MTMR7: variants seen among roughly 807,000 people sequenced by gnomAD.
MTMR7 encodes the protein myotubularin related protein 7.
Under a neutral mutation model 81.2 loss-of-function variants are expected in MTMR7, and 76 were observed. The observed-to-expected ratio is 0.94, with a 90% CI of 0.78 to 1.13. The LOEUF (loss-of-function observed/expected upper bound fraction) is 1.13. Ranked by LOEUF, MTMR7 falls within the 50% of genes most tolerant of loss-of-function variation. The pLI, the probability that MTMR7 is intolerant of heterozygous loss-of-function variation, is 0.00. For synonymous variants in MTMR7, 372 were observed against 289.8 expected (o/e 1.28, Z -2.88); for missense variants, 1,044 against 820.0 (o/e 1.27, Z -3.34).
intron 7 of MTMR7, among the ~76,000 whole-genome samples, chr8:17,323,646 A>AG (rs1303166546): frequency 6.6e-6 from 1 of 152,110 alleles, no homozygotes; most frequent in Non-Finnish European, 1.5e-5. Context: ...CAGAGGCCGC[A>AG]GGGGTGGGGG....
At chr8:17,325,765 C>T (rs1818650465) in intron 7 of MTMR7, among the ~76,000 whole-genome samples, 1 of 144,410 alleles carries the variant, frequency 6.9e-6, no homozygotes, top group Admixed American at 6.7e-5. Flanking sequence ...GAGACAAACA[C>T]TTCTGAAACT....
chr8:17,360,971 TG>T, intron 4 of MTMR7, 145 bp downstream of exon 4: 1 of 837,184 alleles, frequency 1.2e-6, no homozygotes, highest in Non-Finnish European at 1.8e-6. Flanking sequence ...TAAATACAGC[TG>T]GCACTAACCA....
In MTMR7 at chr8:17,371,124, T is replaced by G; in HGVS notation, c.223A>C (p.Lys75Gln). 1 of 1,614,250 alleles carries G rather than the reference T, an allele frequency of 6.2e-7. No individual in the cohort carries two copies. The highest frequency in any genetic ancestry group is 2.2e-5 in the East Asian group (1 of 44,890). ...ATGCPLLIRC[K>Q]NFQIIQLIIP... is the part of the protein sequence containing the mutation. ...ATGAGCTGTATTATCTGAAAGTTCT[T>G]GCAGCGAATCAGCAGAGGGCATCCG... The change falls in exon 3 of 14, where the codon AAG (lysine) becomes CAG (glutamine). Residue 75 changes from lysine to glutamine, a missense_variant. Transcript: ENST00000180173.
intron 5 of MTMR7, among the ~76,000 whole-genome samples, chr8:17,347,521 G>C (rs1311291962): frequency 1.3e-5 from 2 of 152,130 alleles, no homozygotes; most frequent in Non-Finnish European, 2.9e-5. Flanking sequence ...CAGGCATGTG[G>C]ATACACACTC....
intron 4 of MTMR7, among the ~76,000 whole-genome samples, chr8:17,353,122 A>T (rs1819776105): frequency 6.6e-6 from 1 of 152,240 alleles, no homozygotes; most frequent in Non-Finnish European, 1.5e-5. Flanking sequence ...CTAAAAAGGA[A>T]GGAAATCCTG....
chr8:17,353,807 T>G (rs533054268), intron 4 of MTMR7, among the ~76,000 whole-genome samples: 1 of 152,232 alleles, frequency 6.6e-6, no homozygotes, highest in Non-Finnish European at 1.5e-5. Context: ...ACTAAATTAA[T>G]TGACCTTCCT....
intron 1 of MTMR7, among the ~76,000 whole-genome samples, chr8:17,377,359 TTTAATTC>T (rs1820620720): frequency 6.6e-6 from 1 of 152,110 alleles, no homozygotes; most frequent in South Asian, 2.1e-4. Context: ...TTTACAATCT[TTTAATTC>T]TTATCTGTGG....
intron 4 of MTMR7, among the ~76,000 whole-genome samples, chr8:17,354,217 G>C (rs1299388162): frequency 6.6e-6 from 1 of 152,090 alleles, no homozygotes; most frequent in Non-Finnish European, 1.5e-5. Context: ...TGATGAACAG[G>C]GAGAAGGAGG....
chr8:17,369,455 T>TTCATGATCCA lies in MTMR7; in HGVS notation c.310+1581_310+1582insTGGATCATGA, dbSNP rs751021222. The stretch of plus-strand genomic sequence containing the variant: ...ATAAGAAACTTAGGATCCAACCAAA[T>TTCATGATCCA]GCCTTGAAAAGTTCATAATTGAACT... On this transcript the variant is annotated intron_variant, in intron 3 of 13. Transcript: ENST00000180173. Among the ~76,000 whole-genome samples, 218 of 152,248 alleles carry TTCATGATCCA rather than the reference T, an allele frequency of 1.4e-3. 3 individuals are homozygous for TTCATGATCCA. The highest frequency in any genetic ancestry group is 2.1e-3 in the Non-Finnish European group (143 of 68,012).
intron 1 of MTMR7, among the ~76,000 whole-genome samples, chr8:17,400,943 A>G (rs1563380949): frequency 6.6e-6 from 1 of 152,202 alleles, no homozygotes; most frequent in Non-Finnish European, 1.5e-5. Context: ...AGGTCTAGCA[A>G]AAGTTGAAGT....
At chr8:17,381,569 C>G (rs986791062) in intron 1 of MTMR7, among the ~76,000 whole-genome samples, 1 of 152,092 alleles carries the variant, frequency 6.6e-6, no homozygotes, top group Non-Finnish European at 1.5e-5. Context: ...AGTGCAGGGC[C>G]GGGGTGCCAG....
intron 1 of MTMR7, among the ~76,000 whole-genome samples, chr8:17,409,320 T>C (rs1337366748): frequency 6.6e-6 from 1 of 151,792 alleles, no homozygotes; most frequent in African/African-American, 2.4e-5. Flanking sequence ...ATTACCTAGG[T>C]GTAGCGGCAC....
At chr8:17,385,610 A>T (rs1174762723) in intron 1 of MTMR7, among the ~76,000 whole-genome samples, 1 of 152,110 alleles carries the variant, frequency 6.6e-6, no homozygotes, top group African/African-American at 2.4e-5. Flanking sequence ...AAATTACCCA[A>T]TCGCGGGTAT....
At chr8:17,333,888 G>A (rs143721753) in intron 6 of MTMR7, among the ~76,000 whole-genome samples, 265 of 152,018 alleles carry the variant, frequency 1.7e-3, no homozygotes, top group African/African-American at 5.4e-3. Flanking sequence ...GGACAGGAGG[G>A]TTATCCCAGG....
intron 1 of MTMR7, among the ~76,000 whole-genome samples, chr8:17,381,938 C>T (rs1382759673): frequency 6.6e-6 from 1 of 152,168 alleles, no homozygotes; most frequent in East Asian, 1.9e-4. Flanking sequence ...GACATTATCC[C>T]TGCATTTTGA....
rs201909678 is a variant in MTMR7 at position 17,300,112 on chromosome 8, G to C, written c.1733C>G (p.Thr578Ser). The change falls in exon 14 of 14, where the codon ACT becomes AGT. Residue 578 changes from threonine to serine, a missense_variant. Thr to Ser is a moderately conservative substitution (Grantham distance 58). Transcript: ENST00000180173. The part of the protein sequence containing the change: ...FSTSDNSIAN[T>S]PQDYSGNMKS... ...CATATTCCCACTGTAATCCTGGGGA[G>C]TGTTGGCTATGCTGTTGTCTGAGGT... 10 of 1,614,032 alleles carry C rather than the reference G, an allele frequency of 6.2e-6. No individual in the cohort carries two copies. The highest frequency in any genetic ancestry group is 8.5e-6 in the Non-Finnish European group (10 of 1,180,016).
intron 6 of MTMR7, among the ~76,000 whole-genome samples, chr8:17,337,366 A>ACCC (rs1563344305): frequency 2.0e-5 from 3 of 151,090 alleles, no homozygotes; most frequent in East Asian, 2.0e-4. Flanking sequence ...CCGTCCCAAA[A>ACCC]AAAAAAAAAA....
chr8:17,300,770 C>T (rs1337952354), intron 13 of MTMR7, among the ~76,000 whole-genome samples: 1 of 152,230 alleles, frequency 6.6e-6, no homozygotes, highest in Non-Finnish European at 1.5e-5. Context: ...AGTCATTTCC[C>T]ATTCCTATCT....
At chr8:17,301,154 C>T (rs557994868) in intron 13 of MTMR7, among the ~76,000 whole-genome samples, 2 of 152,308 alleles carry the variant, frequency 1.3e-5, no homozygotes, top group African/African-American at 2.4e-5. Context: ...TGCAAAAGCA[C>T]TGTGCTGGGC....
Sources: gnomAD v4.1 joint callset for allele counts (sites outside exome capture counted in the v4.1 genomes callset) on GRCh38, gnomAD v4.1.1 for gene constraint, MANE v1.5 for transcripts, NCBI Gene and HGNC (gene_info 2026-07-23, HGNC 2026-07-21) for gene names.